DYM: variants seen among roughly 807,000 people sequenced by gnomAD.
DYM encodes the protein dyggve-Melchior-Clausen syndrome protein.
In DYM, 78 loss-of-function variants were observed where a neutral mutation model predicts 93.1. That is an observed-to-expected ratio of 0.84 (90% CI 0.70 to 1.01). The LOEUF (loss-of-function observed/expected upper bound fraction) is 1.01, where lower values mean the gene tolerates loss of function less well. Ranked by LOEUF, DYM falls within the 50% of genes least tolerant of loss-of-function variation. DYM has a pLI of 0.00. For missense variants in DYM, 789 were observed against 845.0 expected, an observed-to-expected ratio of 0.93 and a Z score of 0.82; for synonymous variants, 321 against 319.7, an observed-to-expected ratio of 1.00 and a Z score of -0.04.
Position 49,241,151 on chromosome 18 carries a change from C to T in DYM, c.1460+15859G>A, listed in dbSNP as rs568291882. On this transcript the variant is annotated intron_variant, in intron 13 of 17. Coordinates refer to ENST00000675505, the MANE Select transcript of DYM (RefSeq NM_001353214.3). Reference sequence around the variant, plus strand: ...TCTCTGTGGCCCACAGAACACACTTCGAGAATCAATGCACAGAAGTGATCC... The same window carrying T: ...TCTCTGTGGCCCACAGAACACACTTTGAGAATCAATGCACAGAAGTGATCC... Among the ~76,000 whole-genome samples, 84 of 152,252 alleles carry T rather than the reference C, an allele frequency of 5.5e-4. 2 individuals are homozygous for T. The highest frequency in any genetic ancestry group is 1.0e-3 in the Non-Finnish European group (70 of 68,008).
chr18:49,142,166 G>A (rs1568485611), intron 15 of DYM, among the ~76,000 whole-genome samples: 1 of 151,778 alleles, frequency 6.6e-6, no homozygotes, highest in Non-Finnish European at 1.5e-5. Context: ...TGGCCAATAT[G>A]TTTTAAACAT....
rs560051421 is a variant in DYM, at chr18:49,090,052, T to C, written c.2025+7350A>G. On this transcript the variant is annotated intron_variant, in intron 17 of 17. Coordinates refer to ENST00000675505, the MANE Select transcript of DYM (RefSeq NM_001353214.3). ...ATGTCAGACCATGGAGTTCATAACA[T>C]AAAATTTCTCATATGAGGACTAAAT... Among the ~76,000 whole-genome samples the C allele has an allele frequency of 6.6e-5, 10 of 152,314 alleles. No individual in the cohort carries two copies. The South Asian group carries it at 1.9e-3, about 28-fold the overall frequency.
intron 13 of DYM, among the ~76,000 whole-genome samples, chr18:49,216,591 T>A (rs1375243063): frequency 6.6e-6 from 1 of 152,108 alleles, no homozygotes; most frequent in Non-Finnish European, 1.5e-5. Context: ...GCATTCGTGG[T>A]TCATGAAAAT....
At chr18:49,356,963 C>T (rs1443397621) in intron 6 of DYM, among the ~76,000 whole-genome samples, 1 of 152,012 alleles carries the variant, frequency 6.6e-6, no homozygotes, top group Admixed American at 6.6e-5. Context: ...AAACAGAGAA[C>T]CCTAAAAATA....
At chr18:49,197,456 C>A (rs531767661) in intron 14 of DYM, among the ~76,000 whole-genome samples, 1 of 151,856 alleles carries the variant, frequency 6.6e-6, no homozygotes, top group East Asian at 1.9e-4. Context: ...GTAAAGAAGG[C>A]GGTGAAGTTT....
At chr18:49,237,843 T>C (rs908871105) in intron 13 of DYM, among the ~76,000 whole-genome samples, 5 of 152,218 alleles carry the variant, frequency 3.3e-5, no homozygotes, top group African/African-American at 1.2e-4. Flanking sequence ...ACATGTATTA[T>C]TTCATATCTT....
chr18:49,289,789 A>ATG (rs71165383), intron 8 of DYM, among the ~76,000 whole-genome samples: 1 of 47,666 alleles, frequency 2.1e-5, no homozygotes, highest in Non-Finnish European at 3.9e-5. Context: ...ATATATATAT[A>ATG]CACACATATA....
At chr18:49,072,829 G>A (rs1424284262) in intron 17 of DYM, among the ~76,000 whole-genome samples, 2 of 152,200 alleles carry the variant, frequency 1.3e-5, no homozygotes, top group Non-Finnish European at 2.9e-5. Context: ...AACTGATAGG[G>A]CTTCACAAAC....
intron 2 of DYM, among the ~76,000 whole-genome samples, chr18:49,418,585 A>G (rs1372566052): frequency 1.3e-5 from 2 of 152,224 alleles, no homozygotes; most frequent in African/African-American, 4.8e-5. Context: ...AGGCCTTATT[A>G]GTATTTCTAA....
intron 13 of DYM, among the ~76,000 whole-genome samples, chr18:49,214,842 G>C (rs1568027646): frequency 6.6e-6 from 1 of 152,184 alleles, no homozygotes; most frequent in Non-Finnish European, 1.5e-5. Context: ...TGAATAAGAT[G>C]ATGATTCATT....
At chr18:49,357,031 T>C (rs556188838) in intron 6 of DYM, among the ~76,000 whole-genome samples, 13 of 152,342 alleles carry the variant, frequency 8.5e-5, no homozygotes, top group Admixed American at 6.5e-4. Context: ...TGCTTCTTTA[T>C]CCCTAATATT....
At chr18:49,186,873 C>T (rs1238781210) in intron 14 of DYM, among the ~76,000 whole-genome samples, 11 of 151,320 alleles carry the variant, frequency 7.3e-5, no homozygotes, top group East Asian at 1.9e-4. Flanking sequence ...TGTGAATATC[C>T]GATTGTCAAA....
intron 15 of DYM, among the ~76,000 whole-genome samples, chr18:49,149,207 T>C (rs2085524665): frequency 6.6e-6 from 1 of 152,100 alleles, no homozygotes; most frequent in Non-Finnish European, 1.5e-5. Flanking sequence ...CAGGAGGTAA[T>C]GGAGTGACGG....
At chr18:49,384,738 TAA>T (rs1354476688) in intron 3 of DYM, among the ~76,000 whole-genome samples, 1 of 150,014 alleles carries the variant, frequency 6.7e-6, no homozygotes, top group Non-Finnish European at 1.5e-5. Context: ...ACTACAATAG[TAA>T]AAGAGGAGAA....
intron 2 of DYM, among the ~76,000 whole-genome samples, chr18:49,427,380 A>C (rs1309448317): frequency 6.6e-6 from 1 of 152,184 alleles, no homozygotes; most frequent in African/African-American, 2.4e-5. Context: ...GGAAGTGGAC[A>C]CCTATATTCT....
intron 5 of DYM, among the ~76,000 whole-genome samples, chr18:49,372,707 C>T (rs1052735218): frequency 4.6e-5 from 7 of 151,986 alleles, no homozygotes; most frequent in Non-Finnish European, 7.4e-5. Context: ...ATTGCACCAC[C>T]GCACTCCAGC....
intron 14 of DYM, among the ~76,000 whole-genome samples, chr18:49,202,328 G>A (rs1221853643): frequency 6.6e-6 from 1 of 152,074 alleles, no homozygotes; most frequent in Non-Finnish European, 1.5e-5. Flanking sequence ...GCAGTGGCGT[G>A]ATCTCGGCTC....
intron 8 of DYM, among the ~76,000 whole-genome samples, chr18:49,289,725 GTGTATATATATATATATA>G (rs1345455604): frequency 1.5e-4 from 2 of 13,740 alleles, no homozygotes; most frequent in African/African-American, 3.2e-4. Context: ...ATATATATAT[GTGTATATATATATATATA>G]TATATATATA....
intron 1 of DYM, among the ~76,000 whole-genome samples, chr18:49,456,069 T>C (rs2082957568): frequency 6.6e-6 from 1 of 152,210 alleles, no homozygotes; most frequent in South Asian, 2.1e-4. Flanking sequence ...TATTTAAGTC[T>C]CTAAGAGTGG....
Sources: gnomAD v4.1 joint callset for allele counts (sites outside exome capture counted in the v4.1 genomes callset) on GRCh38, gnomAD v4.1.1 for gene constraint, MANE v1.5 for transcripts, NCBI Gene and HGNC (gene_info 2026-07-23, HGNC 2026-07-21) for gene names.